Variants in KCNC2 observed in about 807,000 individuals in gnomAD.
KCNC2 encodes voltage-gated potassium channel KCNC2.
A neutral mutation model predicts 44.5 loss-of-function variants in KCNC2; 21 were observed. The ratio of observed to expected loss-of-function variants is 0.47; its 90% CI spans 0.33 to 0.68. The LOEUF (loss-of-function observed/expected upper bound fraction) is 0.68. KCNC2 is among the 30% of genes least tolerant of loss of function. The probability of loss-of-function intolerance (pLI) is 0.01; values close to 1 mark genes in which losing one functional copy is unlikely to be tolerated. For missense variants in KCNC2, 589 were observed against 826.2 expected, an observed-to-expected ratio of 0.71 and a Z score of 3.52; for synonymous variants, 391 against 339.1, an observed-to-expected ratio of 1.15 and a Z score of -1.68.
intron 2 of KCNC2, among the ~76,000 whole-genome samples, chr12:75,060,109 G>A (rs764309230): frequency 3.9e-5 from 6 of 152,000 alleles, no homozygotes; most frequent in Non-Finnish European, 8.8e-5. Context: ...ATTTACACTT[G>A]CCCAATTTGT....
At chr12:75,144,412 G>A (rs1000429376) in intron 2 of KCNC2, among the ~76,000 whole-genome samples, 12 of 152,056 alleles carry the variant, frequency 7.9e-5, no homozygotes, top group African/African-American at 2.9e-4. Flanking sequence ...TTATTAAGTC[G>A]TTGGCTACTG....
At chr12:75,201,825 T>C (rs913527438) in intron 2 of KCNC2, among the ~76,000 whole-genome samples, 1 of 151,918 alleles carries the variant, frequency 6.6e-6, no homozygotes, top group Non-Finnish European at 1.5e-5. Flanking sequence ...CAGAATTGAA[T>C]TAAGTTTATG....
intron 2 of KCNC2, among the ~76,000 whole-genome samples, chr12:75,180,381 C>T (rs906620140): frequency 6.6e-6 from 1 of 151,608 alleles, no homozygotes; most frequent in Non-Finnish European, 1.5e-5. Flanking sequence ...AAAAGTATGT[C>T]TTTTTATCAC....
chr12:75,081,787 G>A (rs992006035), intron 2 of KCNC2, among the ~76,000 whole-genome samples: 7 of 151,956 alleles, frequency 4.6e-5, no homozygotes, highest in African/African-American at 9.7e-5. Flanking sequence ...ATTAAAAAGC[G>A]TGATGAACAT....
At chr12:75,178,746 A>T (rs145915300) in intron 2 of KCNC2, among the ~76,000 whole-genome samples, 369 of 152,188 alleles carry the variant, frequency 2.4e-3, no homozygotes, top group African/African-American at 8.2e-3. Flanking sequence ...CAAAACATAG[A>T]TTAGCACAAA....
chr12:75,145,549 A>C (rs80022630), intron 2 of KCNC2, among the ~76,000 whole-genome samples: 3,510 of 151,680 alleles, frequency 0.023, 136 homozygotes, highest in African/African-American at 0.08. Context: ...CTTATTTTAT[A>C]TGACCCCGTT....
At chr12:75,068,172 T>A (rs1883025251) in intron 2 of KCNC2, among the ~76,000 whole-genome samples, 1 of 152,126 alleles carries the variant, frequency 6.6e-6, no homozygotes, top group Non-Finnish European at 1.5e-5. Flanking sequence ...TAGTGATGAG[T>A]GTGGTGTTGA....
intron 2 of KCNC2, among the ~76,000 whole-genome samples, chr12:75,126,352 G>A (rs1044121946): frequency 7.2e-5 from 11 of 152,098 alleles, no homozygotes; most frequent in East Asian, 1.9e-4. Flanking sequence ...CTTTATTCAC[G>A]CACATATTTA....
chr12:75,070,459 A>T (rs1004326982), intron 2 of KCNC2, among the ~76,000 whole-genome samples: 1 of 149,218 alleles, frequency 6.7e-6, no homozygotes, highest in Non-Finnish European at 1.5e-5. Flanking sequence ...CTCAAAAAAA[A>T]AAAAAAGTCA....
At position 75,201,286 on chromosome 12, in the gene KCNC2, AAAAAAAAAAAAAC is replaced by A. The variant is rs1236955132; in HGVS notation, c.687+5998_687+6010del. Among the ~76,000 whole-genome samples, 288 of 109,722 alleles carry A rather than the reference AAAAAAAAAAAAAC, an allele frequency of 2.6e-3. 16 individuals are homozygous for A. The highest frequency in any genetic ancestry group is 4.8e-3 in the African/African-American group (139 of 28,730). 72.0% of individuals were successfully genotyped at this position (109,722 alleles called of 152,430 possible). On this transcript the variant is annotated intron_variant, in intron 2 of 4. Coordinates refer to ENST00000549446, the MANE Select transcript of KCNC2 (RefSeq NM_139137.4). Reference sequence around the variant, plus strand: ...GGAAAAAAAAAAAAAAAAAAAAAAAAAAAAAAAAAAAACCAGATTCTGGTTTACTTTATTAGTG... The same window carrying A: ...GGAAAAAAAAAAAAAAAAAAAAAAAACAGATTCTGGTTTACTTTATTAGTG...
At chr12:75,187,214 G>A (rs1893013623) in intron 2 of KCNC2, among the ~76,000 whole-genome samples, 1 of 152,176 alleles carries the variant, frequency 6.6e-6, no homozygotes, top group Non-Finnish European at 1.5e-5. Flanking sequence ...ATTTACAAGT[G>A]GAGGTAGTGT....
rs115953025 is a variant in KCNC2 at position 75,185,064 on chromosome 12, T to C, written c.687+22233A>G. Among the ~76,000 whole-genome samples the C allele has an allele frequency of 3.7e-3, 567 of 152,284 alleles. 1 individual carries two copies. The highest frequency in any genetic ancestry group is 0.013 in the African/African-American group (533 of 41,564). On this transcript the variant is annotated intron_variant, in intron 2 of 4. Coordinates refer to ENST00000549446, the MANE Select transcript of KCNC2 (RefSeq NM_139137.4). The stretch of plus-strand genomic sequence containing the variant: ...AATGAAATTTAAAATGATAGTAGAC[T>C]TTATACCTGAAATGATTTCAGATAT...
chr12:75,186,078 A>C (rs2137676448), intron 2 of KCNC2, among the ~76,000 whole-genome samples: 1 of 139,410 alleles, frequency 7.2e-6, no homozygotes, highest in South Asian at 2.2e-4. Context: ...TAAATAAATA[A>C]ATAAATAAAT....
intron 2 of KCNC2, among the ~76,000 whole-genome samples, chr12:75,157,803 G>A (rs933317828): frequency 2.0e-4 from 31 of 151,884 alleles, no homozygotes; most frequent in African/African-American, 7.5e-4. Flanking sequence ...TGATCTAGGA[G>A]CTTGAACTCC....
intron 2 of KCNC2, among the ~76,000 whole-genome samples, chr12:75,117,434 T>C (rs1403421043): frequency 6.6e-6 from 1 of 152,216 alleles, no homozygotes; most frequent in African/African-American, 2.4e-5. Flanking sequence ...CTTTCTTTTG[T>C]AGCAATTGTT....
At position 75,042,146 on chromosome 12, in the gene KCNC2, C is replaced by G; in HGVS notation, c.*959G>C. 2 of 1,253,364 alleles carry G rather than the reference C, an allele frequency of 1.6e-6. No homozygotes were observed. Among genetic ancestry groups the G allele is most frequent in the Non-Finnish European group, 2.0e-6 (2 of 994,758 alleles). 77.6% of individuals were successfully genotyped at this position (1,253,364 alleles called of 1,614,324 possible). Reference sequence around the variant, plus strand: ...ATAAAATAAGGGGGTAAAAAAAAGACACAAGAGCTTTGGGTGATATTTGGC... The same window carrying G: ...ATAAAATAAGGGGGTAAAAAAAAGAGACAAGAGCTTTGGGTGATATTTGGC... On this transcript the variant is annotated 3_prime_UTR_variant, in exon 5 of 5. Coordinates refer to ENST00000549446, the MANE Select transcript of KCNC2 (RefSeq NM_139137.4).
intron 2 of KCNC2, among the ~76,000 whole-genome samples, chr12:75,125,426 T>A (rs1888347451): frequency 6.6e-6 from 1 of 152,250 alleles, no homozygotes; most frequent in Non-Finnish European, 1.5e-5. Context: ...TTCTTTTTAA[T>A]AGAAACTTTT....
chr12:75,144,791 T>G (rs1408536625), intron 2 of KCNC2, among the ~76,000 whole-genome samples: 2 of 152,150 alleles, frequency 1.3e-5, no homozygotes, highest in Admixed American at 1.3e-4. Context: ...CAGTTGGTGT[T>G]CAAATTGTGA....
intron 2 of KCNC2, among the ~76,000 whole-genome samples, chr12:75,127,971 T>G (rs1888555692): frequency 1.3e-5 from 2 of 152,076 alleles, no homozygotes; most frequent in Non-Finnish European, 2.9e-5. Flanking sequence ...TATAATATCT[T>G]AAACCTGAAA....
Sources: allele counts gnomAD v4.1 joint callset (sites outside exome capture counted in the v4.1 genomes callset), GRCh38; gene constraint gnomAD v4.1.1; transcripts MANE v1.5; gene names NCBI Gene and HGNC (gene_info 2026-07-23, HGNC 2026-07-21).